FGD5: variants seen among roughly 807,000 people sequenced by gnomAD.
The protein encoded by FGD5 is FYVE, RhoGEF and PH domain containing 5, also known as FYVE, RhoGEF and PH domain-containing protein 5.
A neutral mutation model predicts 133.4 loss-of-function variants in FGD5; 28 were observed. The observed-to-expected ratio is 0.21, with a 90% CI of 0.16 to 0.29. The LOEUF is 0.29. Among genes scored for constraint, FGD5 ranks in the 10% least tolerant of loss-of-function variants. The pLI is 1.00. For synonymous variants in FGD5, 810 were observed against 776.5 expected, an observed-to-expected ratio of 1.04 and a Z score of -0.72; for missense variants, 1,858 against 1,895.2, an observed-to-expected ratio of 0.98 and a Z score of 0.36.
chr3:14,882,782 C>G (rs2037852577), intron 4 of FGD5, among the ~76,000 whole-genome samples: 2 of 151,672 alleles, frequency 1.3e-5, no homozygotes, highest in South Asian at 4.1e-4. Flanking sequence ...TCAGTGCTTA[C>G]AGGGATAGAG....
chr3:14,904,868 A>G (rs2038308704), intron 9 of FGD5, among the ~76,000 whole-genome samples: 1 of 152,098 alleles, frequency 6.6e-6, no homozygotes, highest in Non-Finnish European at 1.5e-5. Flanking sequence ...AGGTCCCACT[A>G]TTTTGCCCAG....
chr3:14,900,720 G>A (rs2038221447), intron 8 of FGD5, among the ~76,000 whole-genome samples: 1 of 152,180 alleles, frequency 6.6e-6, no homozygotes, highest in Non-Finnish European at 1.5e-5. Context: ...TTTGGTGATA[G>A]GAGGGGTGGT....
At chr3:14,817,672 C>G (rs947168459), upstream of FGD5, among the ~76,000 whole-genome samples, 1 of 152,144 alleles carries the variant, frequency 6.6e-6, no homozygotes, top group African/African-American at 2.4e-5. Flanking sequence ...AGAGATCTCC[C>G]GGCAGTCTGC....
At chr3:14,890,900 C>T (rs187511975) in intron 4 of FGD5, among the ~76,000 whole-genome samples, 2 of 152,326 alleles carry the variant, frequency 1.3e-5, no homozygotes, top group East Asian at 3.9e-4. Flanking sequence ...TCTCTGCAGC[C>T]TCCTGCTATA....
At position 14,933,668 on chromosome 3, in the gene FGD5, T is replaced by C. The variant is rs1335769515; in HGVS notation, c.*501T>C. On this transcript the variant is annotated 3_prime_UTR_variant, in exon 20 of 20. Transcript: ENST00000285046. ...GGAGCTGCAACCTCCAATTTTGTGTTTTCTAAGTGATTTACTTAAGTCAAT... is the reference window on the plus strand; with the variant it reads ...GGAGCTGCAACCTCCAATTTTGTGTCTTCTAAGTGATTTACTTAAGTCAAT... 6.2e-6 allele frequency: 1 copy of C among 161,044 alleles called. No individual in the cohort carries two copies. The highest frequency in any genetic ancestry group is 1.4e-5 in the Non-Finnish European group (1 of 72,652). The allele number at this position is 161,044 out of a possible 1,614,324, so 10.0% of individuals were successfully genotyped here. A position where few individuals can be genotyped will look rare whatever the true frequency, so the allele number is the denominator to read the frequency against.
chr3:14,846,357 C>T (rs2037051100), intron 1 of FGD5, among the ~76,000 whole-genome samples: 1 of 152,136 alleles, frequency 6.6e-6, no homozygotes, highest in Non-Finnish European at 1.5e-5. Context: ...TCATCCCAAG[C>T]CAGAGTTGTC....
At chr3:14,897,866 G>A in intron 5 of FGD5, 73 bp from the exon 6 acceptor site, 1 of 1,582,326 alleles carries the variant, frequency 6.3e-7, no homozygotes, top group Non-Finnish European at 8.6e-7. Flanking sequence ...TGTGACTCCA[G>A]GCCCCCTGCT....
chr3:14,861,081 G>A (rs1291011104), intron 1 of FGD5, among the ~76,000 whole-genome samples: 1 of 152,188 alleles, frequency 6.6e-6, no homozygotes, highest in African/African-American at 2.4e-5. Flanking sequence ...GGTAGCAAGT[G>A]TTATAAATGA....
At chr3:14,907,339 A>G (rs564759655) in intron 9 of FGD5, among the ~76,000 whole-genome samples, 69 of 152,352 alleles carry the variant, frequency 4.5e-4, no homozygotes, top group African/African-American at 1.5e-3. Flanking sequence ...CCCATGCTCC[A>G]GACCTCATGA....
chr3:14,843,717 G>A (rs2036971372), intron 1 of FGD5, among the ~76,000 whole-genome samples: 1 of 129,840 alleles, frequency 7.7e-6, no homozygotes, highest in African/African-American at 3.0e-5. Flanking sequence ...GGGAGACAGA[G>A]TCTCATTCTG....
At chr3:14,814,911 C>T (rs1046490130), upstream of FGD5, among the ~76,000 whole-genome samples, 1 of 152,134 alleles carries the variant, frequency 6.6e-6, no homozygotes, top group African/African-American at 2.4e-5. Context: ...CTTTTACACC[C>T]CACATTCATA....
chr3:14,851,662 A>C (rs1689527), intron 1 of FGD5, among the ~76,000 whole-genome samples: 1 of 152,002 alleles, frequency 6.6e-6, no homozygotes, highest in East Asian at 1.9e-4. Context: ...CTTGAATGTT[A>C]CCTCTTTATG....
At position 14,820,741 on chromosome 3, in the gene FGD5, A is replaced by G; in HGVS notation, c.1670A>G (p.Glu557Gly). The G allele has an allele frequency of 1.9e-6, 3 of 1,609,020 alleles. No homozygotes were observed. In the South Asian group the frequency reaches 3.3e-5, roughly 18 times the overall value. ...YPRSFSVEGR[E>G]IPVSVYQEPE... Reference sequence around the variant, plus strand: ...CGGTCGTTCTCCGTGGAAGGCCGAGAGATTCCAGTGTCCGTGTACCAGGAG... The same window carrying G: ...CGGTCGTTCTCCGTGGAAGGCCGAGGGATTCCAGTGTCCGTGTACCAGGAG... The change falls in exon 1 of 20, where the codon GAG (glutamate) becomes GGG (glycine). Residue 557 changes from glutamate (E) to glycine (G), a missense_variant. Coordinates refer to ENST00000285046, the MANE Select transcript of FGD5 (RefSeq NM_152536.4).
chr3:14,846,772 C>T (rs1026569590), intron 1 of FGD5, among the ~76,000 whole-genome samples: 21 of 152,228 alleles, frequency 1.4e-4, no homozygotes, highest in Non-Finnish European at 2.5e-4. Flanking sequence ...CCCCCCTGGG[C>T]CTTGCTTTCT....
At position 14,934,209 on chromosome 3, in the gene FGD5, G is replaced by C. The variant is rs2125168021; in HGVS notation, c.*1042G>C. ...TTCCTGGTCTTGGCAGATGGCTCTG[G>C]GAACAGCGAGGGAGCACAGAAGTCG... On this transcript the variant is annotated 3_prime_UTR_variant, in exon 20 of 20. Transcript: ENST00000285046. The C allele has an allele frequency of 6.6e-6, 1 of 152,290 alleles. No individual in the cohort carries two copies. Among genetic ancestry groups the C allele is most frequent in the South Asian group, 2.1e-4 (1 of 4,826 alleles). 9.4% of individuals were successfully genotyped at this position (152,290 alleles called of 1,614,324 possible).
At chr3:14,862,332 A>T (rs1183410235) in intron 1 of FGD5, among the ~76,000 whole-genome samples, 1 of 152,248 alleles carries the variant, frequency 6.6e-6, no homozygotes, top group Non-Finnish European at 1.5e-5. Context: ...AAATTGATGC[A>T]GGCAGCTCTG....
intron 18 of FGD5, among the ~76,000 whole-genome samples, chr3:14,927,743 A>G (rs2125162817): frequency 6.6e-6 from 1 of 152,158 alleles, no homozygotes; most frequent in Middle Eastern, 3.4e-3. Context: ...AAAAATACAT[A>G]GGAATCTTTA....
Position 14,847,876 on chromosome 3 carries a change from C to T in FGD5, c.2526-16252C>T, listed in dbSNP as rs569404526. Among the ~76,000 whole-genome samples, 3 of 152,316 alleles carry T rather than the reference C, an allele frequency of 2.0e-5. No homozygotes were observed. In the South Asian group the frequency reaches 6.2e-4, roughly 32 times the overall value. ...TTGCTGTGTAGCCCAGGACAGATGC[C>T]TCCCCTCCTCTCTGAGCCTTGAGTT... On this transcript the variant is annotated intron_variant, in intron 1 of 19. Coordinates refer to ENST00000285046, the MANE Select transcript of FGD5 (RefSeq NM_152536.4).
At chr3:14,812,759 T>C (rs796371664) in intron 1 of FGD5, among the ~76,000 whole-genome samples, 1 of 152,324 alleles carries the variant, frequency 6.6e-6, no homozygotes, top group African/African-American at 2.4e-5. Context: ...TCTCTACACC[T>C]GTTTCTTTAT....
Sources: gnomAD v4.1 joint callset for allele counts (sites outside exome capture counted in the v4.1 genomes callset) on GRCh38, gnomAD v4.1.1 for gene constraint, MANE v1.5 for transcripts, NCBI Gene and HGNC (gene_info 2026-07-23, HGNC 2026-07-21) for gene names.